The following ADAM12 variants were observed in gnomAD, a reference collection of about 807,000 sequenced individuals.
ADAM12 encodes disintegrin and metalloproteinase domain-containing protein 12.
A neutral mutation model predicts 106.4 loss-of-function variants in ADAM12; 70 were observed. The ratio of observed to expected loss-of-function variants is 0.66; its 90% CI spans 0.54 to 0.80. The LOEUF (loss-of-function observed/expected upper bound fraction) is 0.80, where lower values mean the gene tolerates loss of function less well. Ranked by LOEUF, ADAM12 falls within the 30% of genes least tolerant of loss-of-function variation. The pLI is 0.00. For synonymous variants in ADAM12, 420 were observed against 433.5 expected, an observed-to-expected ratio of 0.97 and a Z score of 0.39; for missense variants, 1,010 against 1,171.9, an observed-to-expected ratio of 0.86 and a Z score of 2.02.
intron 12 of ADAM12, among the ~76,000 whole-genome samples, chr10:126,068,527 C>G (rs1590364970): frequency 6.6e-6 from 1 of 152,198 alleles, no homozygotes; most frequent in East Asian, 1.9e-4. Flanking sequence ...TACTGGCATC[C>G]TATTGACTTT....
intron 3 of ADAM12, among the ~76,000 whole-genome samples, chr10:126,272,384 A>G (rs1392407808): frequency 1.3e-5 from 2 of 152,338 alleles, no homozygotes; most frequent in East Asian, 3.9e-4. Flanking sequence ...ATGTTTTCCA[A>G]CATGACCTCT....
chr10:126,111,802 G>A (rs1955873951), intron 6 of ADAM12, among the ~76,000 whole-genome samples: 2 of 152,176 alleles, frequency 1.3e-5, no homozygotes, highest in South Asian at 4.1e-4. Context: ...AAGCACTGGG[G>A]GAGTCGCCGG....
chr10:126,269,476 CACA>C (rs1176849246), intron 3 of ADAM12, among the ~76,000 whole-genome samples: 1 of 152,066 alleles, frequency 6.6e-6, no homozygotes, highest in Non-Finnish European at 1.5e-5. Context: ...CTTTTGAGGA[CACA>C]ACAACTAGAA....
intron 3 of ADAM12, among the ~76,000 whole-genome samples, chr10:126,190,930 C>G (rs1017971416): frequency 1.6e-4 from 24 of 149,678 alleles, no homozygotes; most frequent in Non-Finnish European, 3.4e-4. Context: ...CAGGCAAATG[C>G]CAGGGTGAAG....
intron 3 of ADAM12, among the ~76,000 whole-genome samples, chr10:126,253,957 C>A (rs1399218517): frequency 1.3e-5 from 2 of 152,322 alleles, no homozygotes; most frequent in East Asian, 3.9e-4. Context: ...TGCTGAAGGC[C>A]AGACTTCCAG....
intron 2 of ADAM12, among the ~76,000 whole-genome samples, chr10:126,307,490 A>G (rs1960898569): frequency 6.6e-6 from 1 of 152,088 alleles, no homozygotes; most frequent in South Asian, 2.1e-4. Context: ...ACTAGCTGAG[A>G]TTCCAGGCAT....
intron 2 of ADAM12, among the ~76,000 whole-genome samples, chr10:126,329,686 C>T: frequency 6.6e-6 from 1 of 152,094 alleles, no homozygotes; most frequent in African/African-American, 2.4e-5. Context: ...GCAACCATTC[C>T]AGGAAGTGAC....
chr10:126,316,538 C>T (rs967351167), intron 2 of ADAM12, among the ~76,000 whole-genome samples: 1 of 151,902 alleles, frequency 6.6e-6, no homozygotes, highest in African/African-American at 2.4e-5. Context: ...AAACATACAC[C>T]TGATGAGGTG....
intron 1 of ADAM12, among the ~76,000 whole-genome samples, chr10:126,344,825 GTC>G (rs1369650870): frequency 6.6e-6 from 1 of 152,026 alleles, no homozygotes. Flanking sequence ...CTCTCTGTTT[GTC>G]TGTTATTGGT....
intron 3 of ADAM12, among the ~76,000 whole-genome samples, chr10:126,237,086 C>A (rs941364898): frequency 1.3e-5 from 2 of 152,322 alleles, no homozygotes; most frequent in African/African-American, 4.8e-5. Flanking sequence ...TCCCCAGATG[C>A]GTCTACGTTA....
At chr10:126,106,705 C>T (rs76106298) in intron 8 of ADAM12, among the ~76,000 whole-genome samples, 12 of 152,100 alleles carry the variant, frequency 7.9e-5, no homozygotes, top group South Asian at 2.1e-4. Context: ...AGGATGGTCT[C>T]GATCTCTTGA....
intron 3 of ADAM12, among the ~76,000 whole-genome samples, chr10:126,158,995 T>C (rs982219756): frequency 2.6e-4 from 40 of 152,200 alleles, no homozygotes; most frequent in African/African-American, 8.9e-4. Flanking sequence ...CCAGAACCCA[T>C]AGTGGCCTCA....
At chr10:126,038,952 CTTTTTTTTTT>C (rs34277276) in intron 19 of ADAM12, among the ~76,000 whole-genome samples, 13 of 71,540 alleles carry the variant, frequency 1.8e-4, no homozygotes, top group East Asian at 5.4e-4. Context: ...GACACCATTT[CTTTTTTTTTT>C]TTTTTTTTTT....
chr10:126,099,508 T>C (rs1286061643), intron 9 of ADAM12, among the ~76,000 whole-genome samples: 2 of 146,426 alleles, frequency 1.4e-5, no homozygotes, highest in Non-Finnish European at 1.5e-5. Flanking sequence ...TACATGTATA[T>C]AAATAATAAA....
intron 1 of ADAM12, among the ~76,000 whole-genome samples, chr10:126,379,252 T>C (rs541474291): frequency 6.6e-6 from 1 of 152,344 alleles, no homozygotes; most frequent in South Asian, 2.1e-4. Flanking sequence ...ATATGTTTAT[T>C]GCAGCACTAT....
At chr10:126,154,551 T>C (rs547442921) in intron 4 of ADAM12, among the ~76,000 whole-genome samples, 28 of 152,286 alleles carry the variant, frequency 1.8e-4, no homozygotes, top group African/African-American at 5.8e-4. Context: ...CTTTTTAAAA[T>C]ACCCACAGCT....
At chr10:126,117,941 A>G in intron 6 of ADAM12, 97 bp downstream of exon 6, 2 of 1,413,914 alleles carry the variant, frequency 1.4e-6, no homozygotes, top group Non-Finnish European at 2.0e-6. Flanking sequence ...ATGCCGCATC[A>G]TCTAGATGGC....
chr10:126,096,873 C>A (rs916606959), intron 10 of ADAM12, among the ~76,000 whole-genome samples: 2 of 152,216 alleles, frequency 1.3e-5, no homozygotes, highest in Non-Finnish European at 2.9e-5. Flanking sequence ...AATCTTATTG[C>A]ATGACACATA....
chr10:126,119,894 A>G (rs1956054420), intron 5 of ADAM12, among the ~76,000 whole-genome samples: 1 of 152,188 alleles, frequency 6.6e-6, no homozygotes, highest in Admixed American at 6.5e-5. Flanking sequence ...GGGGCAGTGA[A>G]GTGCTTTAAT....
Sources: allele counts gnomAD v4.1 joint callset (sites outside exome capture counted in the v4.1 genomes callset), GRCh38; gene constraint gnomAD v4.1.1; transcripts MANE v1.5; gene names NCBI Gene and HGNC (gene_info 2026-07-23, HGNC 2026-07-21).